PREX1: variants seen among roughly 807,000 people sequenced by gnomAD.
PREX1 encodes phosphatidylinositol 3,4,5-trisphosphate-dependent Rac exchanger 1 protein.
In PREX1, 41 loss-of-function variants were observed where a neutral mutation model predicts 198.3. That is an observed-to-expected ratio of 0.21 (90% CI 0.16 to 0.27). The LOEUF is 0.27. Ranked by LOEUF, PREX1 falls within the 10% of genes least tolerant of loss-of-function variation. The pLI, the probability that PREX1 is intolerant of heterozygous loss-of-function variation, is 1.00. For missense variants in PREX1, 1,620 were observed against 2,200.7 expected (o/e 0.74, Z 5.28); for synonymous variants, 843 against 887.2 (o/e 0.95, Z 0.89).
At chr20:48,811,664 C>T (rs1373124443) in intron 1 of PREX1, among the ~76,000 whole-genome samples, 1 of 151,730 alleles carries the variant, frequency 6.6e-6, no homozygotes. Flanking sequence ...ATGCACACTA[C>T]TGACCAGACC....
intron 1 of PREX1, among the ~76,000 whole-genome samples, chr20:48,782,807 C>T (rs935574479): frequency 6.6e-6 from 1 of 152,152 alleles, no homozygotes; most frequent in African/African-American, 2.4e-5. Context: ...AAAGGATTCT[C>T]GCTCTCACTG....
chr20:48,811,963 C>T (rs1182646788), intron 1 of PREX1, among the ~76,000 whole-genome samples: 1 of 152,220 alleles, frequency 6.6e-6, no homozygotes. Context: ...ACTTGGGATC[C>T]CCAGGCCAAG....
At chr20:48,846,104 C>A in the PREX1 span, among the ~76,000 whole-genome samples, 1 of 152,180 alleles carries the variant, frequency 6.6e-6, no homozygotes, top group Non-Finnish European at 1.5e-5. Flanking sequence ...GCACCATAAT[C>A]ATTCCCATTT....
chr20:48,675,473 A>G (rs1209143802), intron 14 of PREX1, among the ~76,000 whole-genome samples: 3 of 152,242 alleles, frequency 2.0e-5, no homozygotes, highest in African/African-American at 4.8e-5. Flanking sequence ...ACGCTACAAC[A>G]TGGATGAGGC....
At chr20:48,658,435 G>A (rs898708485) in intron 16 of PREX1, among the ~76,000 whole-genome samples, 4 of 152,242 alleles carry the variant, frequency 2.6e-5, no homozygotes, top group African/African-American at 7.2e-5. Context: ...CGAATCACAC[G>A]GATCCAAAGG....
intron 1 of PREX1, among the ~76,000 whole-genome samples, chr20:48,773,379 G>A (rs1332841981): frequency 6.6e-6 from 1 of 151,802 alleles, no homozygotes; most frequent in Non-Finnish European, 1.5e-5. Context: ...AGGCACCTCT[G>A]GCCTCCAAGT....
chr20:48,649,569 C>T lies in PREX1; in HGVS notation c.3036G>A (p.Leu1012=). Residue 1012 remains leucine (L), a synonymous_variant, in exon 25 of 40, where the codon CTG becomes CTA. Coordinates refer to ENST00000371941, the MANE Select transcript of PREX1 (RefSeq NM_020820.4). ...LIGLDPEQGH[L]NPMSYTQHCI... is the part of the protein sequence containing the mutation. ...AGTGCTGGGTGTACGACATGGGGTT[C>T]AGGTGGCCTGCAGTGGAGGAAGAGA... The T allele has an allele frequency of 6.3e-7, 1 of 1,592,914 alleles. No homozygotes were observed. Among genetic ancestry groups the T allele is most frequent in the Non-Finnish European group, 8.6e-7 (1 of 1,168,486 alleles).
At position 48,808,084 on chromosome 20, in the gene PREX1, G is replaced by C. The variant is rs546612289; in HGVS notation, c.219+19558C>G. Among the ~76,000 whole-genome samples the C allele has an allele frequency of 2.6e-5, 4 of 152,294 alleles. No individual in the cohort carries two copies. In the East Asian group the frequency reaches 7.7e-4, roughly 29 times the overall value. On this transcript the variant is annotated intron_variant, in intron 1 of 39. Coordinates refer to ENST00000371941, the MANE Select transcript of PREX1 (RefSeq NM_020820.4). ...AAAGGGGAGGGGGGCACTGTTGTCG[G>C]AACATTCTGGATCCTGTTCATTCAA...
chr20:48,885,684 A>C, the PREX1 span, among the ~76,000 whole-genome samples: 1 of 134,628 alleles, frequency 7.4e-6, no homozygotes, highest in Non-Finnish European at 1.6e-5. Context: ...TGGATGAATA[A>C]ACTGTGACAC....
intron 5 of PREX1, among the ~76,000 whole-genome samples, chr20:48,725,055 G>A (rs952320452): frequency 5.3e-5 from 8 of 152,200 alleles, no homozygotes; most frequent in Non-Finnish European, 1.0e-4. Flanking sequence ...TCCTGTGTTC[G>A]TGGGCAGAGC....
chr20:48,669,918 T>C (rs1020809932), intron 14 of PREX1, among the ~76,000 whole-genome samples: 1 of 151,844 alleles, frequency 6.6e-6, no homozygotes, highest in Non-Finnish European at 1.5e-5. Context: ...GACAGCCTCT[T>C]TACCCATGAA....
At chr20:48,870,344 A>G in the PREX1 span, among the ~76,000 whole-genome samples, 1 of 152,276 alleles carries the variant, frequency 6.6e-6, no homozygotes, top group African/African-American at 2.4e-5. Context: ...CAACTTTCCC[A>G]ACTCCAACTC....
intron 14 of PREX1, among the ~76,000 whole-genome samples, chr20:48,675,723 C>A (rs1396863263): frequency 1.3e-5 from 2 of 152,140 alleles, no homozygotes; most frequent in African/African-American, 2.4e-5. Flanking sequence ...TGAATTTAAT[C>A]CTAATGAACT....
In PREX1 at chr20:48,782,651, A is replaced by C. The variant is rs573232715; in HGVS notation, c.220-34771T>G. 3.9e-5 allele frequency among the ~76,000 whole-genome samples: 6 copies of C among 152,288 alleles called. No individual in the cohort carries two copies. In the South Asian group the frequency reaches 1.2e-3, roughly 32 times the overall value. Reference sequence around the variant, plus strand: ...CAGGGAAGGTCTTCTGAGAAGGGAAAATTTGAGCACAGAACTGAAAGCATG... The same window carrying C: ...CAGGGAAGGTCTTCTGAGAAGGGAACATTTGAGCACAGAACTGAAAGCATG... On this transcript the variant is annotated intron_variant, in intron 1 of 39. Transcript: ENST00000371941.
At chr20:48,849,637 T>A in the PREX1 span, among the ~76,000 whole-genome samples, 1 of 152,346 alleles carries the variant, frequency 6.6e-6, no homozygotes, top group South Asian at 2.1e-4. Context: ...TCTTTCCACA[T>A]CCACACTTAC....
At chr20:48,763,970 A>G (rs2090196261) in intron 1 of PREX1, among the ~76,000 whole-genome samples, 1 of 152,150 alleles carries the variant, frequency 6.6e-6, no homozygotes, top group Admixed American at 6.5e-5. Context: ...TCAGTGGCTG[A>G]CGCGGCAGCC....
At chr20:48,859,739 C>T in the PREX1 span, among the ~76,000 whole-genome samples, 8 of 152,158 alleles carry the variant, frequency 5.3e-5, no homozygotes, top group African/African-American at 1.7e-4. Context: ...AGGTCTTGAC[C>T]GGGCATGGTA....
chr20:48,644,350 C>T (rs2089435718), intron 27 of PREX1, 59 bp downstream of exon 27: 3 of 1,415,702 alleles, frequency 2.1e-6, no homozygotes, highest in East Asian at 4.8e-5. Flanking sequence ...TAAACTAAAA[C>T]TAAATCTCAT....
At chr20:48,862,268 C>T in the PREX1 span, among the ~76,000 whole-genome samples, 4 of 151,984 alleles carry the variant, frequency 2.6e-5, no homozygotes, top group African/African-American at 4.8e-5. Context: ...CTTATTAAAA[C>T]GATTCTTCAT....
Sources: allele counts gnomAD v4.1 joint callset (sites outside exome capture counted in the v4.1 genomes callset), GRCh38; gene constraint gnomAD v4.1.1; transcripts MANE v1.5; gene names NCBI Gene and HGNC (gene_info 2026-07-23, HGNC 2026-07-21).